The following ZMYM4 variants were observed in gnomAD, a reference collection of about 807,000 sequenced individuals.
The protein encoded by ZMYM4 is zinc finger MYM-type containing 4, also known as zinc finger MYM-type protein 4.
ZMYM4 carries 31 observed loss-of-function variants against 183.2 expected under a neutral mutation model. The ratio of observed to expected loss-of-function variants is 0.17; its 90% CI spans 0.13 to 0.23. ZMYM4 has a LOEUF of 0.23. Among genes scored for constraint, ZMYM4 ranks in the 10% least tolerant of loss-of-function variants. The probability of loss-of-function intolerance (pLI) is 1.00; values close to 1 mark genes in which losing one functional copy is unlikely to be tolerated. For synonymous variants in ZMYM4, 592 were observed against 631.2 expected (o/e 0.94, Z 0.93); for missense variants, 1,273 against 1,840.3 (o/e 0.69, Z 5.64).
intron 2 of ZMYM4, among the ~76,000 whole-genome samples, chr1:35,357,156 C>T (rs954350445): frequency 7.9e-5 from 12 of 152,264 alleles, no homozygotes; most frequent in Non-Finnish European, 1.5e-4. Flanking sequence ...TCCCAAAGTG[C>T]TAAGATTATA....
intron 2 of ZMYM4, among the ~76,000 whole-genome samples, chr1:35,355,544 A>C (rs1643791659): frequency 6.6e-6 from 1 of 152,044 alleles, no homozygotes; most frequent in Non-Finnish European, 1.5e-5. Context: ...TCCTATCTTT[A>C]TCTTTTAAGG....
chr1:35,329,868 A>G (rs1319579944), intron 2 of ZMYM4, among the ~76,000 whole-genome samples: 3 of 152,090 alleles, frequency 2.0e-5, no homozygotes, highest in African/African-American at 4.8e-5. Flanking sequence ...AAAAATTCTA[A>G]TAATAATTAA....
chr1:35,281,422 G>A (rs1640152878), intron 1 of ZMYM4, among the ~76,000 whole-genome samples: 1 of 152,094 alleles, frequency 6.6e-6, no homozygotes, highest in Non-Finnish European at 1.5e-5. Context: ...ACTCATAGAA[G>A]CAGAGAGTAG....
intron 1 of ZMYM4, among the ~76,000 whole-genome samples, chr1:35,307,089 T>C (rs1641566429): frequency 6.6e-6 from 1 of 152,260 alleles, no homozygotes; most frequent in Non-Finnish European, 1.5e-5. Context: ...ATGTTAACTT[T>C]CTGAATGTCC....
chr1:35,337,221 A>G (rs1312899514), intron 2 of ZMYM4, among the ~76,000 whole-genome samples: 1 of 151,962 alleles, frequency 6.6e-6, no homozygotes, highest in Non-Finnish European at 1.5e-5. Context: ...AATTAGCTGG[A>G]TGTGATGTTG....
intron 2 of ZMYM4, among the ~76,000 whole-genome samples, chr1:35,358,629 A>G (rs1643879962): frequency 6.6e-6 from 1 of 152,134 alleles, no homozygotes; most frequent in African/African-American, 2.4e-5. Flanking sequence ...TTTCAGGATC[A>G]TGCTTTGATT....
chr1:35,360,109 C>A (rs1643903998), intron 3 of ZMYM4, among the ~76,000 whole-genome samples: 1 of 152,002 alleles, frequency 6.6e-6, no homozygotes, highest in African/African-American at 2.4e-5. Context: ...TGTGAAAGTA[C>A]TTCTTATCCA....
At chr1:35,376,036 C>G (rs1483772694) in intron 7 of ZMYM4, among the ~76,000 whole-genome samples, 1 of 151,848 alleles carries the variant, frequency 6.6e-6, no homozygotes, top group Non-Finnish European at 1.5e-5. Flanking sequence ...TGATCACACT[C>G]CTGCTCTTCA....
chr1:35,272,564 A>G (rs1639667393), intron 1 of ZMYM4, among the ~76,000 whole-genome samples: 1 of 152,210 alleles, frequency 6.6e-6, no homozygotes, highest in South Asian at 2.1e-4. Context: ...CTATGGGTTG[A>G]GTACCAAGTT....
chr1:35,300,871 G>A (rs1275820791), intron 1 of ZMYM4, among the ~76,000 whole-genome samples: 1 of 151,838 alleles, frequency 6.6e-6, no homozygotes, highest in Non-Finnish European at 1.5e-5. Flanking sequence ...ATAATTTCTG[G>A]ATCTGTTTCT....
At chr1:35,361,484 G>A (rs952815446) in intron 4 of ZMYM4, 135 bp from the exon 5 acceptor site, 40 of 1,064,832 alleles carry the variant, frequency 3.8e-5, no homozygotes, top group African/African-American at 8.1e-5. Context: ...ACTTTTAGGC[G>A]TAGGCATAAG....
intron 1 of ZMYM4, among the ~76,000 whole-genome samples, chr1:35,273,110 T>G (rs1351450329): frequency 6.6e-6 from 1 of 152,158 alleles, no homozygotes; most frequent in East Asian, 1.9e-4. Flanking sequence ...TCGGAACACT[T>G]GTATTCAGAA....
chr1:35,337,170 C>G (rs1411330182), intron 2 of ZMYM4, among the ~76,000 whole-genome samples: 2 of 151,984 alleles, frequency 1.3e-5, no homozygotes, highest in African/African-American at 2.4e-5. Context: ...ACCAGCCTGG[C>G]CAACATGGTG....
At chr1:35,392,379 C>G (rs754230851) in intron 16 of ZMYM4, 27 bp downstream of exon 16, 1 of 1,605,800 alleles carries the variant, frequency 6.2e-7, no homozygotes, top group South Asian at 1.1e-5. Flanking sequence ...AAGCATTTAT[C>G]TAGCCTATTT....
chr1:35,369,334 G>A (rs1237165952), intron 5 of ZMYM4, among the ~76,000 whole-genome samples: 2 of 152,080 alleles, frequency 1.3e-5, no homozygotes, highest in Non-Finnish European at 2.9e-5. Context: ...TAAAATACGT[G>A]TATATGCACA....
intron 7 of ZMYM4, 69 bp from the exon 8 acceptor site, chr1:35,381,190 T>G: frequency 7.7e-7 from 1 of 1,306,300 alleles, no homozygotes; most frequent in Admixed American, 2.4e-5. Context: ...TATTTAGTTA[T>G]TTTAGCTCAC....
intron 7 of ZMYM4, among the ~76,000 whole-genome samples, chr1:35,371,486 G>C (rs928380935): frequency 2.6e-5 from 4 of 152,194 alleles, no homozygotes; most frequent in African/African-American, 9.6e-5. Context: ...AACAAAAAAG[G>C]GGTATGATCT....
chr1:35,375,260 T>C (rs1644310539), intron 7 of ZMYM4, among the ~76,000 whole-genome samples: 2 of 152,216 alleles, frequency 1.3e-5, no homozygotes, highest in Admixed American at 6.5e-5. Flanking sequence ...AACTACTCTT[T>C]AATCTCCTGT....
At chr1:35,340,208 A>G (rs913349626) in intron 2 of ZMYM4, among the ~76,000 whole-genome samples, 1 of 152,078 alleles carries the variant, frequency 6.6e-6, no homozygotes, top group Non-Finnish European at 1.5e-5. Context: ...CTTTCTATCC[A>G]TGAACTTGGT....
Sources: allele counts gnomAD v4.1 joint callset (sites outside exome capture counted in the v4.1 genomes callset), GRCh38; gene constraint gnomAD v4.1.1; transcripts MANE v1.5; gene names NCBI Gene and HGNC (gene_info 2026-07-23, HGNC 2026-07-21).